Variants in MAP3K20 observed in about 807,000 individuals in gnomAD.
MAP3K20 encodes the protein mitogen-activated protein kinase kinase kinase 20.
A neutral mutation model predicts 85.7 loss-of-function variants in MAP3K20; 40 were observed. The observed-to-expected ratio is 0.47, with a 90% CI of 0.36 to 0.61. The LOEUF (loss-of-function observed/expected upper bound fraction) is 0.61. Ranked by LOEUF, MAP3K20 falls within the 20% of genes least tolerant of loss-of-function variation. MAP3K20 has a pLI of 0.00. For missense variants in MAP3K20, 817 were observed against 961.7 expected, an observed-to-expected ratio of 0.85 and a Z score of 1.99; for synonymous variants, 325 against 327.7, an observed-to-expected ratio of 0.99 and a Z score of 0.09.
At position 173,266,915 on chromosome 2, in the gene MAP3K20, G is replaced by A. The variant is rs1489161796; in HGVS notation, c.*165G>A. On this transcript the variant is annotated 3_prime_UTR_variant, in exon 20 of 20. Coordinates refer to ENST00000375213, the MANE Select transcript of MAP3K20 (RefSeq NM_016653.3). Reference sequence around the variant, plus strand: ...TAATTGAGACTATAGCCAAACCAGGGCCAAAATTATGGATATTGGTCACCC... The same window carrying A: ...TAATTGAGACTATAGCCAAACCAGGACCAAAATTATGGATATTGGTCACCC... 5.0e-6 allele frequency: 3 copies of A among 606,060 alleles called. No individual in the cohort carries two copies. The East Asian group carries it at 9.4e-5, about 19-fold the overall frequency. 37.5% of individuals were successfully genotyped at this position (606,060 alleles called of 1,614,324 possible).
At chr2:173,209,865 TCTGG>T (rs1274115532) in intron 10 of MAP3K20, 30 bp downstream of exon 10, 1 of 1,583,412 alleles carries the variant, frequency 6.3e-7, no homozygotes, top group African/African-American at 1.3e-5. Context: ...GGCCACAGCG[TCTGG>T]CTTTCAAAGA....
chr2:173,133,078 A>T (rs1688662412), intron 2 of MAP3K20, among the ~76,000 whole-genome samples: 1 of 152,244 alleles, frequency 6.6e-6, no homozygotes, highest in Admixed American at 6.5e-5. Context: ...TTAGGGAGTC[A>T]TCTTTCTAAA....
chr2:173,175,221 G>T (rs540794750), intron 3 of MAP3K20, among the ~76,000 whole-genome samples: 1 of 152,266 alleles, frequency 6.6e-6, no homozygotes, highest in East Asian at 1.9e-4. Flanking sequence ...TAAATTAATG[G>T]AGAGAGCATC....
intron 12 of MAP3K20, 85 bp downstream of exon 12, chr2:173,229,818 C>A: frequency 1.4e-6 from 2 of 1,472,966 alleles, no homozygotes; most frequent in Non-Finnish European, 1.9e-6. Flanking sequence ...AGAGATTGGG[C>A]CTTAGGAAAG....
rs575630590 is a variant in MAP3K20, at chr2:173,221,473, C to CGAT, written c.987+4238_987+4240dup. 3.0e-4 allele frequency: 478 copies of CGAT among 1,608,956 alleles called. 1 individual carries two copies. The highest frequency in any genetic ancestry group is 1.9e-3 in the African/African-American group (139 of 74,866). ...GTGATTTTGACTTGTCAGAAGGTGACGATGATGATGATGATGACGGTGAGG... is the reference window on the plus strand; with the variant it reads ...GTGATTTTGACTTGTCAGAAGGTGACGATGATGATGATGATGATGACGGTGAGG... On this transcript the variant is annotated intron_variant, in intron 11 of 19. Coordinates refer to ENST00000375213, the MANE Select transcript of MAP3K20 (RefSeq NM_016653.3).
intron 1 of MAP3K20, among the ~76,000 whole-genome samples, chr2:173,089,675 T>C (rs1687239080): frequency 6.6e-6 from 1 of 152,034 alleles, no homozygotes; most frequent in Non-Finnish European, 1.5e-5. Context: ...CTCCACCTCC[T>C]GGGTTCAGGG....
At position 173,091,098 on chromosome 2, in the gene MAP3K20, G is replaced by A. The variant is rs1687284307; in HGVS notation, c.67G>A (p.Gly23Ser). ...FDDLQFFENC[G>S]GGSFGSVYRA... ...TGACTTGCAGTTTTTTGAAAACTGC[G>A]GTGGAGGAAGTTTTGGGAGTGTTTA... is the stretch of plus-strand genomic sequence containing the variant. Residue 23 changes from glycine (G) to serine (S), a missense_variant, in exon 2 of 20, where the codon GGT (glycine) becomes AGT (serine). By Grantham distance (56) the Gly-to-Ser change is moderately conservative. Coordinates refer to ENST00000375213, the MANE Select transcript of MAP3K20 (RefSeq NM_016653.3). The A allele has an allele frequency of 6.2e-7, 1 of 1,613,750 alleles. No individual in the cohort carries two copies. The highest frequency in any genetic ancestry group is 8.5e-7 in the Non-Finnish European group (1 of 1,179,878).
intron 2 of MAP3K20, among the ~76,000 whole-genome samples, chr2:173,161,280 C>T (rs1370702353): frequency 1.3e-5 from 2 of 152,180 alleles, no homozygotes; most frequent in African/African-American, 2.4e-5. Flanking sequence ...AACTAGTGAA[C>T]ATAACTCTGA....
intron 2 of MAP3K20, among the ~76,000 whole-genome samples, chr2:173,128,005 T>G (rs1688493334): frequency 6.6e-6 from 1 of 152,176 alleles, no homozygotes; most frequent in Non-Finnish European, 1.5e-5. Flanking sequence ...ACACACACAT[T>G]ATTTCAACTG....
chr2:173,162,476 A>G (rs940660161), intron 2 of MAP3K20, among the ~76,000 whole-genome samples: 4 of 152,230 alleles, frequency 2.6e-5, no homozygotes, highest in Middle Eastern at 6.8e-3. Flanking sequence ...ACCTGAGGTC[A>G]GGAGTTTGAG....
intron 7 of MAP3K20, among the ~76,000 whole-genome samples, chr2:173,194,499 G>A (rs1574095876): frequency 6.6e-6 from 1 of 152,068 alleles, no homozygotes; most frequent in South Asian, 2.1e-4. Context: ...GAGCAGGTGA[G>A]GATAGTTGTT....
At chr2:173,181,527 A>G (rs1338837870) in intron 3 of MAP3K20, among the ~76,000 whole-genome samples, 2 of 152,210 alleles carry the variant, frequency 1.3e-5, no homozygotes, top group East Asian at 3.8e-4. Flanking sequence ...CTGCAATATC[A>G]GTCCCTGAAA....
At chr2:173,257,392 T>C (rs1346472425) in intron 16 of MAP3K20, among the ~76,000 whole-genome samples, 1 of 152,206 alleles carries the variant, frequency 6.6e-6, no homozygotes, top group Admixed American at 6.5e-5. Flanking sequence ...TTGTCTGTTC[T>C]AGAATATCAC....
intron 1 of MAP3K20, among the ~76,000 whole-genome samples, chr2:173,078,592 G>A (rs915317305): frequency 6.6e-6 from 1 of 152,066 alleles, no homozygotes; most frequent in Non-Finnish European, 1.5e-5. Context: ...ACCCTCCTAC[G>A]GATGCTGAAG....
chr2:173,229,577 GAA>G (rs1316570171), intron 11 of MAP3K20, 110 bp from the exon 12 acceptor site: 1 of 1,437,664 alleles, frequency 7.0e-7, no homozygotes, highest in African/African-American at 1.4e-5. Flanking sequence ...CCTGCAGGAG[GAA>G]CCAAGCCAGA....
intron 2 of MAP3K20, among the ~76,000 whole-genome samples, chr2:173,136,264 T>C (rs1364455554): frequency 1.3e-5 from 2 of 152,226 alleles, no homozygotes; most frequent in Admixed American, 6.5e-5. Flanking sequence ...TTTTGGGGTG[T>C]GGGGCTCCTT....
Position 173,193,320 on chromosome 2 carries a change from CAT to C in MAP3K20, c.582+2145_582+2146del, listed in dbSNP as rs552751327. Reference sequence around the variant, plus strand: ...ATTTTTGCACTTATGAGTCCACACACATACAGTGCTTTTACTTTTAAAATTCT... The same window carrying C: ...ATTTTTGCACTTATGAGTCCACACACACAGTGCTTTTACTTTTAAAATTCT... On this transcript the variant is annotated intron_variant, in intron 7 of 19. Transcript: ENST00000375213. 1.1e-3 allele frequency among the ~76,000 whole-genome samples: 172 copies of C among 152,318 alleles called. No individual in the cohort carries two copies. In the South Asian group the frequency reaches 0.018, roughly 16 times the overall value.
chr2:173,187,041 C>G (rs2106270214), intron 4 of MAP3K20, among the ~76,000 whole-genome samples: 1 of 152,264 alleles, frequency 6.6e-6, no homozygotes, highest in South Asian at 2.1e-4. Context: ...ACCACTACCC[C>G]ACATCCACTC....
Position 173,190,732 on chromosome 2 carries a change from T to C in MAP3K20, c.416-163T>C, listed in dbSNP as rs1008223170. Among the ~76,000 whole-genome samples the C allele has an allele frequency of 1.6e-4, 25 of 152,212 alleles. 1 individual carries two copies. Among genetic ancestry groups the C allele is most frequent in the Admixed American group, 1.6e-3 (24 of 15,278 alleles). On this transcript the variant is annotated intron_variant, in intron 5 of 19. Transcript: ENST00000375213. Reference sequence around the variant, plus strand: ...TAATGGAATTAAGTTTTTGTTTTAATGTCAGCCCCCTTTTGCAAAATCCTC... The same window carrying C: ...TAATGGAATTAAGTTTTTGTTTTAACGTCAGCCCCCTTTTGCAAAATCCTC...
Sources: allele counts gnomAD v4.1 joint callset (sites outside exome capture counted in the v4.1 genomes callset), GRCh38; gene constraint gnomAD v4.1.1; transcripts MANE v1.5; gene names NCBI Gene and HGNC (gene_info 2026-07-23, HGNC 2026-07-21).